RBFOX1: variants seen among roughly 807,000 people sequenced by gnomAD.
RBFOX1 encodes the protein RNA binding fox-1 homolog 1, also known as RNA binding protein fox-1 homolog 1.
A neutral mutation model predicts 57.7 loss-of-function variants in RBFOX1; 8 were observed. That is an observed-to-expected ratio of 0.14 (90% CI 0.08 to 0.25). The LOEUF is 0.25. Among genes scored for constraint, RBFOX1 ranks in the 10% least tolerant of loss-of-function variants. The pLI is 1.00. For synonymous variants in RBFOX1, 326 were observed against 222.4 expected, an observed-to-expected ratio of 1.47 and a Z score of -4.15; for missense variants, 611 against 548.5, an observed-to-expected ratio of 1.11 and a Z score of -1.14.
At chr16:6,965,170 G>A (rs1475699558) in intron 3 of RBFOX1, among the ~76,000 whole-genome samples, 2 of 152,166 alleles carry the variant, frequency 1.3e-5, no homozygotes, top group East Asian at 3.8e-4. Flanking sequence ...GCAGATTGCT[G>A]TGGTGGTAGA....
intron 4 of RBFOX1, among the ~76,000 whole-genome samples, chr16:7,318,073 G>A (rs982772593): frequency 6.6e-6 from 1 of 151,826 alleles, no homozygotes; most frequent in African/African-American, 2.4e-5. Context: ...GACGGTGGTA[G>A]TAGTGGTGAT....
At chr16:5,249,251 A>G (rs1357421075) in intron 1 of RBFOX1, among the ~76,000 whole-genome samples, 1 of 152,178 alleles carries the variant, frequency 6.6e-6, no homozygotes, top group Non-Finnish European at 1.5e-5. Flanking sequence ...GGGGGCCTTC[A>G]GGAAGGATGG....
intron 1 of RBFOX1, among the ~76,000 whole-genome samples, chr16:6,077,684 T>TTTTTTTTATTTATTTATTTATTTA (rs1555499152): frequency 2.1e-5 from 3 of 142,742 alleles, no homozygotes; most frequent in South Asian, 2.2e-4. Flanking sequence ...CTTCTTTTAT[T>TTTTTTTTATTTATTTATTTATTTA]TTTACTTATT....
At chr16:5,821,173 C>T (rs1259520305) in intron 3 of RBFOX1, among the ~76,000 whole-genome samples, 1 of 151,890 alleles carries the variant, frequency 6.6e-6, no homozygotes, top group Non-Finnish European at 1.5e-5. Flanking sequence ...TTCTCCTCGT[C>T]TGGCCTGGGA....
At chr16:7,119,253 C>G (rs2066582570) in intron 4 of RBFOX1, among the ~76,000 whole-genome samples, 1 of 152,150 alleles carries the variant, frequency 6.6e-6, no homozygotes, top group Admixed American at 6.6e-5. Flanking sequence ...TGTCCATTCA[C>G]ATATGCATGT....
At chr16:6,982,441 C>T (rs1301901783) in intron 3 of RBFOX1, among the ~76,000 whole-genome samples, 2 of 152,142 alleles carry the variant, frequency 1.3e-5, no homozygotes, top group East Asian at 3.8e-4. Flanking sequence ...CTACTTAAGT[C>T]CTTTCATTGC....
intron 1 of RBFOX1, among the ~76,000 whole-genome samples, chr16:6,034,626 C>A (rs1235027736): frequency 6.6e-6 from 1 of 152,118 alleles, no homozygotes; most frequent in Non-Finnish European, 1.5e-5. Context: ...AATAGTGTTG[C>A]ATTGGAGAAT....
intron 1 of RBFOX1, among the ~76,000 whole-genome samples, chr16:6,180,942 A>T (rs2097058286): frequency 1.3e-5 from 2 of 152,184 alleles, no homozygotes; most frequent in Non-Finnish European, 2.9e-5. Context: ...AAATCAGCTA[A>T]GATTGTGTTC....
intron 4 of RBFOX1, among the ~76,000 whole-genome samples, chr16:7,098,881 G>A (rs896187434): frequency 4.6e-5 from 7 of 152,082 alleles, no homozygotes; most frequent in Admixed American, 3.9e-4. Context: ...ATTTTTTGCA[G>A]TAACCCTCAG....
chr16:7,207,480 G>A (rs755297795), intron 4 of RBFOX1, among the ~76,000 whole-genome samples: 5 of 152,072 alleles, frequency 3.3e-5, no homozygotes, highest in African/African-American at 4.8e-5. Flanking sequence ...TGCAACCCCC[G>A]GACTGGCCCC....
At chr16:5,425,065 TTATCTATCTATCTATCTATC>T (rs71280727) in intron 1 of RBFOX1, among the ~76,000 whole-genome samples, 71 of 68,640 alleles carry the variant, frequency 1.0e-3, no homozygotes, top group Middle Eastern at 0.011. Context: ...CCTTCCTTTC[TTATCTATCTATCTATCTATC>T]TATCTATCTA....
At chr16:5,414,640 C>G (rs1397707505) in intron 1 of RBFOX1, among the ~76,000 whole-genome samples, 1 of 152,184 alleles carries the variant, frequency 6.6e-6, no homozygotes, top group Non-Finnish European at 1.5e-5. Flanking sequence ...CATGGCTTCT[C>G]CCAATATTTC....
In RBFOX1 at chr16:6,966,307, T is replaced by C. The variant is rs77713820; in HGVS notation, c.-15-85750T>C. 1.5e-3 allele frequency among the ~76,000 whole-genome samples: 225 copies of C among 152,084 alleles called. 1 individual carries two copies. The highest frequency in any genetic ancestry group is 4.7e-3 in the African/African-American group (195 of 41,494). On this transcript the variant is annotated intron_variant, in intron 3 of 15. Coordinates refer to ENST00000550418, the MANE Select transcript of RBFOX1 (RefSeq NM_018723.4). The stretch of plus-strand genomic sequence containing the variant: ...ACTCCTGCAGGCACTGAGGATAAAA[T>C]GGGAGTGAAGGGAGAGCAAGTTTTG...
rs576983048 is a variant in RBFOX1, at chr16:5,983,616, G to C, written c.351+116281G>C. On this transcript the variant is annotated intron_variant, in intron 4 of 19. Transcript: ENST00000641259. ...CAGGTGCTCAGGAAGCGTGGTCCTT[G>C]TTTTTTGAAACCAACTTCATTTCTG... 7.9e-5 allele frequency among the ~76,000 whole-genome samples: 12 copies of C among 152,252 alleles called. No homozygotes were observed. The South Asian group carries it at 2.3e-3, about 29-fold the overall frequency.
At chr16:6,645,703 A>G (rs11646547) in intron 2 of RBFOX1, among the ~76,000 whole-genome samples, 50,542 of 152,056 alleles carry the variant, frequency 0.33, 9,199 homozygotes, top group Non-Finnish European at 0.42. Context: ...CAATGCTTCA[A>G]TCAGAACCAG....
At chr16:6,524,323 T>A (rs1385055432) in intron 2 of RBFOX1, among the ~76,000 whole-genome samples, 1 of 152,248 alleles carries the variant, frequency 6.6e-6, no homozygotes. Flanking sequence ...AATGACTGTA[T>A]CTCGTTCCTT....
At chr16:5,844,696 C>G (rs932985729) in intron 3 of RBFOX1, among the ~76,000 whole-genome samples, 2 of 152,182 alleles carry the variant, frequency 1.3e-5, no homozygotes, top group African/African-American at 2.4e-5. Flanking sequence ...TCTCTGCCTT[C>G]TTAGAATCGG....
At chr16:7,462,356 A>G (rs116938014) in intron 4 of RBFOX1, among the ~76,000 whole-genome samples, 1,893 of 152,294 alleles carry the variant, frequency 0.012, 19 homozygotes, top group Non-Finnish European at 0.018. Flanking sequence ...TTTGCCTGGT[A>G]TGATGGTGGG....
chr16:6,432,291 T>C (rs1361991294), intron 2 of RBFOX1, among the ~76,000 whole-genome samples: 10 of 152,080 alleles, frequency 6.6e-5, no homozygotes, highest in Admixed American at 6.6e-4. Flanking sequence ...GAAACATGCT[T>C]CAGGCATAGG....
Sources: allele counts gnomAD v4.1 joint callset (sites outside exome capture counted in the v4.1 genomes callset), GRCh38; gene constraint gnomAD v4.1.1; transcripts MANE v1.5; gene names NCBI Gene and HGNC (gene_info 2026-07-23, HGNC 2026-07-21).